KCNQ5: variants seen among roughly 807,000 people sequenced by gnomAD.
KCNQ5 encodes potassium voltage-gated channel subfamily KQT member 5.
Under a neutral mutation model 98.2 loss-of-function variants are expected in KCNQ5, and 30 were observed. That is an observed-to-expected ratio of 0.31 (90% CI 0.23 to 0.41). The LOEUF (loss-of-function observed/expected upper bound fraction) is 0.41, where lower values mean the gene tolerates loss of function less well. Among genes scored for constraint, KCNQ5 ranks in the 10% least tolerant of loss-of-function variants. KCNQ5 has a pLI of 1.00. For missense variants in KCNQ5, 835 were observed against 1,182.5 expected (o/e 0.71, Z 4.31); for synonymous variants, 458 against 449.4 (o/e 1.02, Z -0.24).
intron 1 of KCNQ5, among the ~76,000 whole-genome samples, chr6:72,889,070 G>A (rs1338192917): frequency 6.6e-6 from 1 of 152,204 alleles, no homozygotes; most frequent in Non-Finnish European, 1.5e-5. Flanking sequence ...GAGAGTAAGG[G>A]AGATGGACAG....
intron 2 of KCNQ5, among the ~76,000 whole-genome samples, chr6:73,026,807 G>T (rs1394942348): frequency 1.3e-5 from 2 of 151,916 alleles, no homozygotes; most frequent in African/African-American, 4.8e-5. Context: ...TTTAAAGTCT[G>T]GTGACAACCC....
intron 9 of KCNQ5, among the ~76,000 whole-genome samples, chr6:73,130,424 T>C (rs923095447): frequency 1.3e-5 from 2 of 152,180 alleles, no homozygotes; most frequent in Admixed American, 6.5e-5. Flanking sequence ...TCCTCAGCTG[T>C]AACTGTGGGA....
intron 1 of KCNQ5, among the ~76,000 whole-genome samples, chr6:72,831,578 G>A (rs926899956): frequency 2.0e-5 from 3 of 148,802 alleles, no homozygotes; most frequent in Admixed American, 6.7e-5. Flanking sequence ...GGGGCCTGTC[G>A]TGGGATGCAG....
At chr6:72,769,774 A>T (rs1772762897) in intron 1 of KCNQ5, among the ~76,000 whole-genome samples, 1 of 152,142 alleles carries the variant, frequency 6.6e-6, no homozygotes, top group Non-Finnish European at 1.5e-5. Flanking sequence ...TGTATAAAGG[A>T]CAAGAAGTTA....
chr6:72,629,435 C>T lies in KCNQ5; in HGVS notation c.398+6848C>T, dbSNP rs144098713. Among the ~76,000 whole-genome samples, 13 of 152,186 alleles carry T rather than the reference C, an allele frequency of 8.5e-5. No individual in the cohort carries two copies. In the East Asian group the frequency reaches 2.5e-3, roughly 29 times the overall value. ...TAGAAATCTAAACAATGCTATTGTA[C>T]TTGAAGACCATATTACAATTAGAAA... On this transcript the variant is annotated intron_variant, in intron 1 of 13. Transcript: ENST00000370398.
intron 1 of KCNQ5, among the ~76,000 whole-genome samples, chr6:72,693,327 T>C (rs1309447885): frequency 6.6e-6 from 1 of 152,142 alleles, no homozygotes; most frequent in Non-Finnish European, 1.5e-5. Context: ...GGAGAGATTT[T>C]AAGAGAGAAG....
intron 10 of KCNQ5, chr6:73,135,980 A>ATC (rs2150461203): frequency 6.6e-6 from 1 of 152,280 alleles, no homozygotes; most frequent in South Asian, 2.1e-4. Context: ...ATTTAATAAC[A>ATC]TCTCTAAAGA....
chr6:73,062,578 A>G (rs1582281315), intron 3 of KCNQ5, among the ~76,000 whole-genome samples: 1 of 152,182 alleles, frequency 6.6e-6, no homozygotes, highest in African/African-American at 2.4e-5. Context: ...GCAAATAGAG[A>G]AAAAAAATGT....
chr6:73,013,394 A>C lies in KCNQ5; in HGVS notation c.489+9396A>C, dbSNP rs567165129. The stretch of plus-strand genomic sequence containing the variant: ...ATCTGATGGACTTGCTTGCTCTGCC[A>C]TCACCCTGGTGATAAAATTTGTGAA... On this transcript the variant is annotated intron_variant, in intron 2 of 13. Coordinates refer to ENST00000370398, the MANE Select transcript of KCNQ5 (RefSeq NM_019842.4). Among the ~76,000 whole-genome samples, 8 of 152,268 alleles carry C rather than the reference A, an allele frequency of 5.3e-5. No individual in the cohort carries two copies. In the East Asian group the frequency reaches 1.5e-3, roughly 29 times the overall value.
chr6:72,941,644 C>T lies in KCNQ5; in HGVS notation c.399-62264C>T, dbSNP rs1268767423. Among the ~76,000 whole-genome samples, 4 of 103,230 alleles carry T rather than the reference C, an allele frequency of 3.9e-5. 1 individual carries two copies. The allele number at this position is 103,230 out of a possible 152,430, so 67.7% of individuals were successfully genotyped here. On this transcript the variant is annotated intron_variant, in intron 1 of 13. Coordinates refer to ENST00000370398, the MANE Select transcript of KCNQ5 (RefSeq NM_019842.4). ...CTTCCTCCCCTCCCTCCTCCCTTCC[C>T]CACCCGCACCTCCCTCCCCATCTCT...
chr6:72,973,899 C>T (rs1734678274), intron 1 of KCNQ5, among the ~76,000 whole-genome samples: 2 of 152,168 alleles, frequency 1.3e-5, no homozygotes, highest in East Asian at 3.8e-4. Context: ...AAACATTCAA[C>T]AGTGTACATA....
At chr6:72,795,667 G>A (rs1256156151) in intron 1 of KCNQ5, among the ~76,000 whole-genome samples, 1 of 152,104 alleles carries the variant, frequency 6.6e-6, no homozygotes, top group East Asian at 1.9e-4. Flanking sequence ...AATCAGAATT[G>A]TATTAAAAGC....
chr6:72,627,577 G>C (rs540116803), intron 1 of KCNQ5, among the ~76,000 whole-genome samples: 79 of 152,336 alleles, frequency 5.2e-4, no homozygotes, highest in African/African-American at 1.7e-3. Flanking sequence ...TGCAGCTTCA[G>C]TGGAGTGCTA....
At chr6:72,764,970 G>A (rs546480111) in intron 1 of KCNQ5, among the ~76,000 whole-genome samples, 100 of 152,046 alleles carry the variant, frequency 6.6e-4, no homozygotes, top group African/African-American at 2.4e-3. Context: ...TTTTATGGCT[G>A]AATAATACTG....
At chr6:72,646,009 GC>G (rs988814392) in intron 1 of KCNQ5, among the ~76,000 whole-genome samples, 17 of 152,110 alleles carry the variant, frequency 1.1e-4, no homozygotes, top group Admixed American at 4.6e-4. Flanking sequence ...GCAAGCTGAA[GC>G]CAAGCTGACT....
At chr6:73,138,900 G>T (rs944728321) in intron 10 of KCNQ5, among the ~76,000 whole-genome samples, 2 of 152,200 alleles carry the variant, frequency 1.3e-5, no homozygotes, top group African/African-American at 4.8e-5. Flanking sequence ...CTCAGCCAGT[G>T]TACCAATTAG....
At chr6:73,047,726 G>A (rs771750700) in intron 3 of KCNQ5, among the ~76,000 whole-genome samples, 9 of 152,158 alleles carry the variant, frequency 5.9e-5, no homozygotes, top group African/African-American at 1.4e-4. Flanking sequence ...TATTTATTAT[G>A]TGTCAAACAT....
chr6:72,972,668 T>C (rs1767961851), intron 1 of KCNQ5, among the ~76,000 whole-genome samples: 1 of 152,140 alleles, frequency 6.6e-6, no homozygotes, highest in Admixed American at 6.5e-5. Flanking sequence ...GCAAAGGACA[T>C]GATCTCATTC....
intron 1 of KCNQ5, among the ~76,000 whole-genome samples, chr6:72,709,626 C>T (rs550760030): frequency 6.6e-6 from 1 of 152,286 alleles, no homozygotes; most frequent in South Asian, 2.1e-4. Flanking sequence ...ACTTTCACTA[C>T]TTTTGCTTTA....
Sources: allele counts gnomAD v4.1 joint callset (sites outside exome capture counted in the v4.1 genomes callset), GRCh38; gene constraint gnomAD v4.1.1; transcripts MANE v1.5; gene names NCBI Gene and HGNC (gene_info 2026-07-23, HGNC 2026-07-21).